ACTR3C: variants seen among roughly 807,000 people sequenced by gnomAD.
ACTR3C encodes actin-related protein 3C.
ACTR3C carries 18 observed loss-of-function variants against 26.3 expected under a neutral mutation model. The observed-to-expected ratio is 0.68, with a 90% CI of 0.47 to 1.01. The LOEUF is 1.01. ACTR3C is among the 50% of genes least tolerant of loss of function. The pLI is 0.00. For synonymous variants in ACTR3C, 55 were observed against 94.5 expected, an observed-to-expected ratio of 0.58 and a Z score of 2.42; for missense variants, 184 against 250.7, an observed-to-expected ratio of 0.73 and a Z score of 1.80.
the ACTR3C span, among the ~76,000 whole-genome samples, chr7:149,900,049 T>C: frequency 6.9e-6 from 1 of 145,144 alleles, no homozygotes. Flanking sequence ...CCCCTGAGAA[T>C]AGAGCAAATC....
At chr7:150,012,072 GA>G in the ACTR3C span, among the ~76,000 whole-genome samples, 2 of 152,168 alleles carry the variant, frequency 1.3e-5, no homozygotes, top group Non-Finnish European at 2.9e-5. Flanking sequence ...GGATGGAAAA[GA>G]AGTTGAGAAT....
At chr7:150,037,014 T>G in the ACTR3C span, among the ~76,000 whole-genome samples, 3 of 79,648 alleles carry the variant, frequency 3.8e-5, no homozygotes, top group Admixed American at 1.2e-4. Context: ...GCGATGGGGG[T>G]ACCAACAGCC....
the ACTR3C span, among the ~76,000 whole-genome samples, chr7:150,060,730 C>T: frequency 2.9e-4 from 44 of 152,314 alleles, no homozygotes; most frequent in African/African-American, 1.0e-3. Flanking sequence ...CGTCCAGCCC[C>T]GGGAGCCCGG....
At chr7:150,038,008 TC>T in the ACTR3C span, among the ~76,000 whole-genome samples, 2 of 130,528 alleles carry the variant, frequency 1.5e-5, 1 homozygote, top group Non-Finnish European at 3.3e-5. Context: ...GGGAATTGCC[TC>T]CCCCCCTGCT....
the ACTR3C span, among the ~76,000 whole-genome samples, chr7:150,153,025 CTCTTT>C: frequency 2.0e-5 from 3 of 152,220 alleles, no homozygotes; most frequent in South Asian, 6.2e-4. Flanking sequence ...TGATTCTTCT[CTCTTT>C]TCTTCTTTAT....
chr7:150,105,185 C>T, the ACTR3C span, among the ~76,000 whole-genome samples: 1 of 151,376 alleles, frequency 6.6e-6, no homozygotes, highest in Non-Finnish European at 1.5e-5. Flanking sequence ...TGGATTCACA[C>T]CATTCTCCTG....
intron 1 of ACTR3C, among the ~76,000 whole-genome samples, chr7:150,320,376 T>C (rs1797378491): frequency 1.3e-5 from 2 of 152,240 alleles, no homozygotes; most frequent in South Asian, 4.1e-4. Flanking sequence ...TGTGACAGAC[T>C]ATCTGTATTG....
chr7:150,014,949 C>T, the ACTR3C span, among the ~76,000 whole-genome samples: 4 of 152,244 alleles, frequency 2.6e-5, no homozygotes, highest in Non-Finnish European at 1.5e-5. Flanking sequence ...ATCAATTTTC[C>T]ACCTTTCCCT....
chr7:150,079,755 A>C, the ACTR3C span, among the ~76,000 whole-genome samples: 1 of 152,112 alleles, frequency 6.6e-6, no homozygotes, highest in Non-Finnish European at 1.5e-5. Context: ...TTGGTCACCA[A>C]GGAGTCTTGC....
chr7:150,040,717 T>C, the ACTR3C span: 8 of 146,684 alleles, frequency 5.5e-5, 1 homozygote, highest in African/African-American at 1.9e-4. Context: ...GTCCTCCAGG[T>C]GGTTCCTAAG....
the ACTR3C span, among the ~76,000 whole-genome samples, chr7:149,888,001 T>C: frequency 1.3e-5 from 2 of 151,462 alleles, no homozygotes; most frequent in East Asian, 3.9e-4. Flanking sequence ...TAAATCTTTT[T>C]TTTTCCCCCC....
At chr7:150,273,424 C>T (rs981104107) in intron 6 of ACTR3C, among the ~76,000 whole-genome samples, 4 of 151,586 alleles carry the variant, frequency 2.6e-5, no homozygotes, top group African/African-American at 7.3e-5. Flanking sequence ...ACCACAGGTG[C>T]GTTCCACCAC....
chr7:150,097,171 G>A, the ACTR3C span, among the ~76,000 whole-genome samples: 1 of 151,830 alleles, frequency 6.6e-6, no homozygotes, highest in East Asian at 1.9e-4. Context: ...TGATACACTA[G>A]CAAAGACATC....
At chr7:150,048,360 C>T in the ACTR3C span, among the ~76,000 whole-genome samples, 4 of 152,202 alleles carry the variant, frequency 2.6e-5, no homozygotes, top group Middle Eastern at 3.4e-3. Flanking sequence ...CTCCTCCCCG[C>T]GCCCGGGACT....
At chr7:149,886,564 G>A in the ACTR3C span, among the ~76,000 whole-genome samples, 1 of 152,154 alleles carries the variant, frequency 6.6e-6, no homozygotes, top group African/African-American at 2.4e-5. Context: ...CCATTTGCAA[G>A]GCTACAGAAA....
the ACTR3C span, among the ~76,000 whole-genome samples, chr7:150,077,542 T>C: frequency 1.9e-3 from 288 of 148,038 alleles, no homozygotes; most frequent in African/African-American, 7.4e-3. Context: ...TCCTGAGTGT[T>C]AGGTGAAACA....
chr7:150,036,333 G>A, the ACTR3C span, among the ~76,000 whole-genome samples: 1 of 147,956 alleles, frequency 6.8e-6, no homozygotes, highest in East Asian at 1.9e-4. Flanking sequence ...CCATCCTTTA[G>A]CAACCCTGTC....
chr7:150,277,192 G>T (rs1834953258), intron 6 of ACTR3C, among the ~76,000 whole-genome samples: 1 of 152,178 alleles, frequency 6.6e-6, no homozygotes, highest in Non-Finnish European at 1.5e-5. Flanking sequence ...TATAGATAAT[G>T]TAGAGATAGA....
chr7:149,887,475 G>A, the ACTR3C span, among the ~76,000 whole-genome samples: 27 of 152,150 alleles, frequency 1.8e-4, no homozygotes, highest in Non-Finnish European at 3.5e-4. Context: ...TCCCATACAC[G>A]CCAGGCGCCT....
Sources: allele counts gnomAD v4.1 joint callset (sites outside exome capture counted in the v4.1 genomes callset), GRCh38; gene constraint gnomAD v4.1.1; transcripts MANE v1.5; gene names NCBI Gene and HGNC (gene_info 2026-07-23, HGNC 2026-07-21).